PROM2: variants seen among roughly 807,000 people sequenced by gnomAD.
PROM2 encodes the protein prominin-2.
PROM2 carries 90 observed loss-of-function variants against 110.2 expected under a neutral mutation model. The observed-to-expected ratio is 0.82, with a 90% CI of 0.69 to 0.97. The LOEUF is 0.97. Among genes scored for constraint, PROM2 ranks in the 50% least tolerant of loss-of-function variants. The pLI is 0.00. For synonymous variants in PROM2, 470 were observed against 467.8 expected (o/e 1.00, Z -0.06); for missense variants, 1,009 against 1,074.8 (o/e 0.94, Z 0.86).
In PROM2 at chr2:95,281,951, C is replaced by T. The variant is rs758469004; in HGVS notation, c.1578C>T (p.Pro526=). ...TTGCAGACACCCCAGGGAACCTGCC[C>T]CCGTCCATGAACCTGTCGCAACTTC... ...FEFADTPGNL[P]PSMNLSQLLG... Residue 526 remains proline (P), a synonymous_variant, in exon 13 of 24, where the codon CCC becomes CCT. Coordinates refer to ENST00000317620, the MANE Select transcript of PROM2 (RefSeq NM_001165978.3). 4 of 1,614,104 alleles carry T rather than the reference C, an allele frequency of 2.5e-6. No homozygotes were observed. The East Asian group carries it at 8.9e-5, about 36-fold the overall frequency.
In PROM2 at chr2:95,277,486, C is replaced by G. The variant is rs1352310112; in HGVS notation, c.895C>G (p.Gln299Glu). ...EHRDRLLELL[Q>E]EARCQGDCAG... Reference sequence around the variant, plus strand: ...CCGGGACCGCCTCCTTGAGCTGCTGCAGGAGGCCAGGTGCCAGGGAGATTG... The same window carrying G: ...CCGGGACCGCCTCCTTGAGCTGCTGGAGGAGGCCAGGTGCCAGGGAGATTG... Residue 299 changes from glutamine (Q) to glutamate (E), a missense_variant, in exon 7 of 24, where the codon CAG becomes GAG. By Grantham distance (29) the Gln-to-Glu change is conservative. Coordinates refer to ENST00000317620, the MANE Select transcript of PROM2 (RefSeq NM_001165978.3). 3 of 1,612,004 alleles carry G rather than the reference C, an allele frequency of 1.9e-6. No homozygotes were observed. The highest frequency in any genetic ancestry group is 1.7e-6 in the Non-Finnish European group (2 of 1,179,584).
intron 16 of PROM2, among the ~76,000 whole-genome samples, chr2:95,286,201 A>G (rs530755257): frequency 6.6e-6 from 1 of 152,334 alleles, no homozygotes; most frequent in East Asian, 1.9e-4. Flanking sequence ...ACAACCCCAC[A>G]GGGTGGGCAG....
rs746199911 is a variant in PROM2 at position 95,282,097 on chromosome 2, C to T, written c.1644-45C>T. On this transcript the variant is annotated intron_variant, in intron 13 of 23. Coordinates refer to ENST00000317620, the MANE Select transcript of PROM2 (RefSeq NM_001165978.3). Reference sequence around the variant, plus strand: ...GTCCCTCAGGGGACATCAGCCCCCCCGCCACCCCCAAGGCTCATCGTCTGC... The same window carrying T: ...GTCCCTCAGGGGACATCAGCCCCCCTGCCACCCCCAAGGCTCATCGTCTGC... 3.5e-5 allele frequency: 56 copies of T among 1,607,164 alleles called. 1 individual carries two copies. The highest frequency in any genetic ancestry group is 1.5e-4 in the South Asian group (14 of 90,912).
intron 14 of PROM2, among the ~76,000 whole-genome samples, chr2:95,283,018 G>A (rs1011764391): frequency 2.6e-5 from 4 of 152,146 alleles, no homozygotes; most frequent in African/African-American, 9.7e-5. Context: ...CTCGGCCCAC[G>A]GACAGCACAG....
Position 95,291,247 on chromosome 2 carries a change from G to A in PROM2, c.*2034G>A, listed in dbSNP as rs1677667688. On this transcript the variant is annotated 3_prime_UTR_variant, in exon 24 of 24. Coordinates refer to ENST00000317620, the MANE Select transcript of PROM2 (RefSeq NM_001165978.3). ...TTGTTACTCATCTGTTGACCTACCT[G>A]GGGGAAGTAGCACCCTTGCATTTCA... is the stretch of plus-strand genomic sequence containing the variant. The A allele has an allele frequency of 6.6e-6, 1 of 151,722 alleles. No individual in the cohort carries two copies. Among genetic ancestry groups the A allele is most frequent in the Non-Finnish European group, 1.5e-5 (1 of 67,960 alleles). The allele number at this position is 151,722 out of a possible 1,614,324, so 9.4% of individuals were successfully genotyped here. A position where few individuals can be genotyped will look rare whatever the true frequency, so the allele number is the denominator to read the frequency against.
In PROM2 at chr2:95,275,642, C is replaced by G; in HGVS notation, c.294+132C>G. 7.3e-7 allele frequency: 1 copy of G among 1,368,184 alleles called. No homozygotes were observed. The highest frequency in any genetic ancestry group is 2.4e-4 in the Middle Eastern group (1 of 4,204). 84.8% of individuals were successfully genotyped at this position (1,368,184 alleles called of 1,614,324 possible). On this transcript the variant is annotated intron_variant, in intron 2 of 23. Coordinates refer to ENST00000317620, the MANE Select transcript of PROM2 (RefSeq NM_001165978.3). This position sits in a 1 kb window ranked among gnomAD's most constrained non-coding sequence, Gnocchi z 4.4. ...TAGGCAGGGGCTCAGGCATCCTCTC[C>G]CCTCCTCTGTGGGCGCTGCAGTCCG...
chr2:95,283,374 A>G (rs1677157937), intron 14 of PROM2, among the ~76,000 whole-genome samples: 3 of 152,214 alleles, frequency 2.0e-5, no homozygotes, highest in South Asian at 2.1e-4. Context: ...CCACCTGACA[A>G]TGTACCAAAT....
rs1449893335 is a variant in PROM2 at position 95,274,768 on chromosome 2, C to T, written c.183C>T (p.Asp61=). The change falls in exon 1 of 24, where the codon GAC becomes GAT. Residue 61 remains aspartate (D), a synonymous_variant. Coordinates refer to ENST00000317620, the MANE Select transcript of PROM2 (RefSeq NM_001165978.3). ...APRVRAPGLL[D]SLYGTVRRFL... ...GAGTTCGTGCGCCAGGACTCCTGGA[C>T]TCCCTCTATGGCACCGTGCGCCGCT... 1 of 1,611,406 alleles carries T rather than the reference C, an allele frequency of 6.2e-7. No individual in the cohort carries two copies. The highest frequency in any genetic ancestry group is 1.7e-5 in the Admixed American group (1 of 59,956).
Position 95,275,329 on chromosome 2 carries a change from C to A in PROM2, c.245-132C>A. ...TGGCACAGGGCTGCGGTGATGCAGC[C>A]TTCTGCGAGGGTGCCATGGTGGTGG... On this transcript the variant is annotated intron_variant, in intron 1 of 23. Coordinates refer to ENST00000317620, the MANE Select transcript of PROM2 (RefSeq NM_001165978.3). This position sits in a 1 kb window ranked among gnomAD's most constrained non-coding sequence, Gnocchi z 4.4. 1 of 806,834 alleles carries A rather than the reference C, an allele frequency of 1.2e-6. No homozygotes were observed. The allele number at this position is 806,834 out of a possible 1,614,324, so 50.0% of individuals were successfully genotyped here. A position where few individuals can be genotyped will look rare whatever the true frequency, so the allele number is the denominator to read the frequency against.
chr2:95,277,282 G>C (rs1268219382), intron 6 of PROM2, 82 bp from the exon 7 acceptor site: 5 of 1,426,446 alleles, frequency 3.5e-6, no homozygotes, highest in Non-Finnish European at 4.8e-6. Context: ...CCCTTTGGCT[G>C]GGGGAGGGGA....
chr2:95,279,257 G>A (rs1253943141), intron 10 of PROM2, 113 bp downstream of exon 10: 7 of 800,920 alleles, frequency 8.7e-6, no homozygotes, highest in Non-Finnish European at 1.1e-5. Flanking sequence ...TGACTGTACT[G>A]AGCCTCTGTG....
Position 95,286,520 on chromosome 2 carries a change from A to G in PROM2, c.1989A>G (p.Gln663=). ...GGCAGCGGCTGCAGGAGGAGGCCCA[A>G]GGACTCAGAAACCTTCACCAGGAGA... ...VLGQRLQEEA[Q]GLRNLHQEKV... Residue 663 remains glutamine (Q), a synonymous_variant, in exon 17 of 24, where the codon CAA becomes CAG. Transcript: ENST00000317620. 3.1e-6 allele frequency: 5 copies of G among 1,613,786 alleles called. No individual in the cohort carries two copies. The South Asian group carries it at 4.4e-5, about 14-fold the overall frequency.
Position 95,274,788 on chromosome 2 carries a change from G to A in PROM2, c.203G>A (p.Arg68His), listed in dbSNP as rs765249855. 1.2e-5 allele frequency: 19 copies of A among 1,606,218 alleles called. No homozygotes were observed. The highest frequency in any genetic ancestry group is 2.7e-5 in the African/African-American group (2 of 74,722). ...GLLDSLYGTV[R>H]RFLSVVQLNP... ...CTGGACTCCCTCTATGGCACCGTGC[G>A]CCGCTTCCTCTCGGTGGTGCAGCTC... The change falls in exon 1 of 24, where the codon CGC becomes CAC. Residue 68 changes from arginine (R) to histidine (H), a missense_variant. Transcript: ENST00000317620.
intron 20 of PROM2, 141 bp downstream of exon 20, chr2:95,287,605 C>T: frequency 4.0e-6 from 3 of 746,524 alleles, no homozygotes; most frequent in South Asian, 1.8e-5. Flanking sequence ...CCAAACCTGG[C>T]ATCTGCACCC....
At position 95,288,976 on chromosome 2, in the gene PROM2, G is replaced by C. The variant is rs138759055; in HGVS notation, c.2485G>C (p.Val829Leu). ...EETQLFHIPR[V>L]TSLKL is the part of the protein sequence containing the mutation. Reference sequence around the variant, plus strand: ...GACTCAGCTCTTCCACATCCCCCGGGTTACCTCCCTGAAGCTGTAGGGCCT... The same window carrying C: ...GACTCAGCTCTTCCACATCCCCCGGCTTACCTCCCTGAAGCTGTAGGGCCT... Residue 829 changes from valine to leucine, a missense_variant, in exon 23 of 24, where the codon GTT (valine) becomes CTT (leucine). Transcript: ENST00000317620. The C allele has an allele frequency of 2.5e-6, 4 of 1,613,660 alleles. No homozygotes were observed. The African/African-American group carries it at 4.0e-5, about 16-fold the overall frequency.
chr2:95,285,265 C>A, intron 15 of PROM2, 150 bp downstream of exon 15: 1 of 979,410 alleles, frequency 1.0e-6, no homozygotes, highest in Non-Finnish European at 1.5e-6. Flanking sequence ...GTCCCCAGAT[C>A]ATGTGCCCCT....
rs756213857 is a variant in PROM2 at position 95,288,553 on chromosome 2, C to T, written c.2405C>T (p.Thr802Ile). ...CCCAGCATCATCTTTGCCGTCAAGACCTCCAAATACTTCCGTCCTATCCGG... is the reference window on the plus strand; with the variant it reads ...CCCAGCATCATCTTTGCCGTCAAGATCTCCAAATACTTCCGTCCTATCCGG... The part of the protein sequence containing the change: ...LIPSIIFAVK[T>I]SKYFRPIRKR... The change falls in exon 22 of 24, where the codon ACC (threonine) becomes ATC (isoleucine). Residue 802 changes from threonine to isoleucine, a missense_variant. Physicochemically the swap from Thr to Ile is moderately conservative, Grantham distance 89. Coordinates refer to ENST00000317620, the MANE Select transcript of PROM2 (RefSeq NM_001165978.3). The T allele has an allele frequency of 6.2e-7, 1 of 1,614,226 alleles. No individual in the cohort carries two copies. Among genetic ancestry groups the T allele is most frequent in the South Asian group, 1.1e-5 (1 of 91,078 alleles).
At chr2:95,282,267 A>AG in intron 14 of PROM2, 41 bp downstream of exon 14, 1 of 1,509,952 alleles carries the variant, frequency 6.6e-7, no homozygotes, top group Non-Finnish European at 9.1e-7. Context: ...CCCTCCTCAG[A>AG]TCCCCCTCCT....
chr2:95,288,792 T>A, intron 22 of PROM2, 141 bp from the exon 23 acceptor site: 1 of 904,312 alleles, frequency 1.1e-6, no homozygotes, highest in Non-Finnish European at 1.8e-6. Context: ...GCTGCATCCA[T>A]TTGGGCGCAG....
Sources: allele counts gnomAD v4.1 joint callset (sites outside exome capture counted in the v4.1 genomes callset), GRCh38; gene constraint gnomAD v4.1.1; non-coding constraint Gnocchi (gnomAD v3.1); transcripts MANE v1.5; gene names NCBI Gene and HGNC (gene_info 2026-07-23, HGNC 2026-07-21).